The following MRPL35 variants were observed in gnomAD, a reference collection of about 807,000 sequenced individuals.
The protein encoded by MRPL35 is large ribosomal subunit protein bL35m.
MRPL35 carries 18 observed loss-of-function variants against 21.6 expected under a neutral mutation model. The ratio of observed to expected loss-of-function variants is 0.83; its 90% confidence interval spans 0.58 to 1.24. The LOEUF is 1.24. Among genes scored for constraint, MRPL35 ranks in the 50% most tolerant of loss-of-function variants. MRPL35 has a pLI of 0.00. For synonymous variants in MRPL35, 87 were observed against 86.9 expected (o/e 1.00, Z -0.01); for missense variants, 223 against 223.2 (o/e 1.00, Z 0.01).
intron 3 of MRPL35, among the ~76,000 whole-genome samples, chr2:86,210,035 A>G: frequency 6.6e-6 from 1 of 152,204 alleles, no homozygotes. Context: ...AACTCTTATT[A>G]GCCCTCAGAC....
At chr2:86,207,661 G>C (rs1673830288) in intron 3 of MRPL35, among the ~76,000 whole-genome samples, 1 of 151,110 alleles carries the variant, frequency 6.6e-6, no homozygotes, top group African/African-American at 2.4e-5. Context: ...AGGAGTGTGA[G>C]CAGATTAAAA....
rs1169677147 is a variant in MRPL35 at position 86,210,643 on chromosome 2, A to G, written c.542A>G (p.His181Arg). 1 of 1,611,998 alleles carries G rather than the reference A, an allele frequency of 6.2e-7. No homozygotes were observed. The highest frequency in any genetic ancestry group is 8.5e-7 in the Non-Finnish European group (1 of 1,179,278). ...GTTGATGATCCTTATCAGAAGTATC[A>G]TGATCGAACAAACCTGAAAGTATAG... Reference protein sequence around the residue: ...WYVDDPYQKYHDRTNLKV With the variant: ...WYVDDPYQKYRDRTNLKV Residue 181 changes from histidine (H) to arginine (R), a missense_variant, in exon 4 of 4, where the codon CAT becomes CGT. Physicochemically the swap from His to Arg is conservative, Grantham distance 29 (BLOSUM62 0). Coordinates refer to ENST00000337109, the MANE Select transcript of MRPL35 (RefSeq NM_016622.4).
chr2:86,211,946 A>C lies in MRPL35; in HGVS notation c.*1278A>C. 1.0e-6 allele frequency: 1 copy of C among 986,104 alleles called. No homozygotes were observed. Among genetic ancestry groups the C allele is most frequent in the Non-Finnish European group, 1.2e-6 (1 of 830,428 alleles). The allele number at this position is 986,104 out of a possible 1,614,324, so 61.1% of individuals were successfully genotyped here. ...CAGTTGTTTTAGAAACGAAAAAGTT[A>C]AGCATTGTTTACTTGAAGTGGGCAG... On this transcript the variant is annotated 3_prime_UTR_variant, in exon 4 of 4. Coordinates refer to ENST00000337109, the MANE Select transcript of MRPL35 (RefSeq NM_016622.4).
At position 86,199,520 on chromosome 2, in the gene MRPL35, G is replaced by C; in HGVS notation, c.30G>C (p.Val10=). ...CTGCCTCTGCCTTTGCTGGTGCAGT[G>C]AGAGCAGCTTCAGGTCAGTGGAGAG... The part of the protein sequence containing the change: MAASAFAGA[V]RAASGILRPL... The change falls in exon 1 of 4, where the codon GTG becomes GTC. Residue 10 remains valine (V), a synonymous_variant. Transcript: ENST00000337109. 1 of 1,614,206 alleles carries C rather than the reference G, an allele frequency of 6.2e-7. No homozygotes were observed. The highest frequency in any genetic ancestry group is 8.5e-7 in the Non-Finnish European group (1 of 1,180,038).
chr2:86,199,481 G>T lies in MRPL35; in HGVS notation c.-10G>T. The T allele has an allele frequency of 6.2e-7, 1 of 1,614,128 alleles. No homozygotes were observed. ...TAAACCCAAAGCGGCCGCCGTAGGCGAAGGTGAAGATGGCTGCCTCTGCCT... is the reference window on the plus strand; with the variant it reads ...TAAACCCAAAGCGGCCGCCGTAGGCTAAGGTGAAGATGGCTGCCTCTGCCT... On this transcript the variant is annotated 5_prime_UTR_variant, in exon 1 of 4. Transcript: ENST00000337109.
chr2:86,202,776 C>T (rs1673711319), intron 1 of MRPL35, among the ~76,000 whole-genome samples: 1 of 152,120 alleles, frequency 6.6e-6, no homozygotes, highest in Non-Finnish European at 1.5e-5. Context: ...ACTGCAACCT[C>T]TGCCTCCTGA....
chr2:86,202,178 C>T (rs1673697698), intron 1 of MRPL35, among the ~76,000 whole-genome samples: 1 of 152,194 alleles, frequency 6.6e-6, no homozygotes, highest in Non-Finnish European at 1.5e-5. Flanking sequence ...TAGAGCCTCC[C>T]CACATATTTT....
At chr2:86,209,403 C>T (rs963300311) in intron 3 of MRPL35, among the ~76,000 whole-genome samples, 1 of 152,274 alleles carries the variant, frequency 6.6e-6, no homozygotes, top group East Asian at 1.9e-4. Context: ...GTGGTTTTAG[C>T]CAGATGTTAA....
chr2:86,213,514 T>A lies in MRPL35; in HGVS notation c.*2846T>A. ...ATTTTGATGTTTCAAATTTTGAGCT[T>A]CCAAGTCTTTGTGGCCACCCAATGA... On this transcript the variant is annotated 3_prime_UTR_variant, in exon 4 of 4. Coordinates refer to ENST00000337109, the MANE Select transcript of MRPL35 (RefSeq NM_016622.4). 1 of 1,412,560 alleles carries A rather than the reference T, an allele frequency of 7.1e-7. No homozygotes were observed. Among genetic ancestry groups the A allele is most frequent in the Non-Finnish European group, 9.3e-7 (1 of 1,070,298 alleles). 87.5% of individuals were successfully genotyped at this position (1,412,560 alleles called of 1,614,324 possible).
At chr2:86,203,421 C>G (rs913146400) in intron 1 of MRPL35, among the ~76,000 whole-genome samples, 1 of 152,114 alleles carries the variant, frequency 6.6e-6, no homozygotes. Context: ...CTCACGTGAT[C>G]GGTGGCAGTC....
intron 1 of MRPL35, 98 bp downstream of exon 1, chr2:86,199,631 G>C: frequency 6.9e-7 from 1 of 1,452,654 alleles, no homozygotes; most frequent in East Asian, 2.3e-5. Context: ...CAAGCAAAAA[G>C]GGTCATTATT....
chr2:86,210,427 C>T (rs1471529319), intron 3 of MRPL35, 53 bp from the exon 4 acceptor site: 6 of 1,438,124 alleles, frequency 4.2e-6, no homozygotes, highest in African/African-American at 2.9e-5. Context: ...GTGAAGATAC[C>T]TGTTGTTTCA....
chr2:86,211,947 A>C lies in MRPL35; in HGVS notation c.*1279A>C, dbSNP rs17027032. On this transcript the variant is annotated 3_prime_UTR_variant, in exon 4 of 4. Transcript: ENST00000337109. ...AGTTGTTTTAGAAACGAAAAAGTTA[A>C]GCATTGTTTACTTGAAGTGGGCAGG... 8.6e-3 allele frequency: 8,513 copies of C among 986,100 alleles called. 485 individuals are homozygous for C. The African/African-American group carries it at 0.12, about 14-fold the overall frequency. The allele number at this position is 986,100 out of a possible 1,614,324, so 61.1% of individuals were successfully genotyped here. A position where few individuals can be genotyped will look rare whatever the true frequency, so the allele number is the denominator to read the frequency against.
Position 86,213,453 on chromosome 2 carries a change from A to G in MRPL35, c.*2785A>G. 1.5e-5 allele frequency: 20 copies of G among 1,326,958 alleles called. No individual in the cohort carries two copies. The highest frequency in any genetic ancestry group is 1.8e-5 in the Non-Finnish European group (19 of 1,033,820). 82.2% of individuals were successfully genotyped at this position (1,326,958 alleles called of 1,614,324 possible). A position where few individuals can be genotyped will look rare whatever the true frequency, so the allele number is the denominator to read the frequency against. On this transcript the variant is annotated 3_prime_UTR_variant, in exon 4 of 4. Coordinates refer to ENST00000337109, the MANE Select transcript of MRPL35 (RefSeq NM_016622.4). ...AGTGATTTTGTCAAACATAGAATAC[A>G]GGACTAAAAATGCAAAGAAATTGGG... is the stretch of plus-strand genomic sequence containing the variant.
intron 1 of MRPL35, among the ~76,000 whole-genome samples, chr2:86,202,865 A>G (rs1160273902): frequency 1.3e-5 from 2 of 151,048 alleles, no homozygotes; most frequent in South Asian, 2.1e-4. Context: ...TAATATTTCT[A>G]TTTTTAGTAG....
intron 3 of MRPL35, 94 bp downstream of exon 3, chr2:86,207,421 A>G (rs1475622992): frequency 2.8e-6 from 4 of 1,415,442 alleles, no homozygotes; most frequent in African/African-American, 2.9e-5. Flanking sequence ...CGGGTGGATC[A>G]TAAGGTCAGG....
At position 86,206,524 on chromosome 2, in the gene MRPL35, A is replaced by G. The variant is rs143979242; in HGVS notation, c.233+229A>G. On this transcript the variant is annotated intron_variant, in intron 2 of 3. Coordinates refer to ENST00000337109, the MANE Select transcript of MRPL35 (RefSeq NM_016622.4). ...TGCCTGGCTGGTAGAGTCTATTTCA[A>G]TAAACATGATGCTTAGACAAACTTT... 7.2e-5 allele frequency among the ~76,000 whole-genome samples: 11 copies of G among 152,260 alleles called. No individual in the cohort carries two copies. In the East Asian group the frequency reaches 2.1e-3, roughly 29 times the overall value.
At chr2:86,201,625 T>A (rs1053017168) in intron 1 of MRPL35, among the ~76,000 whole-genome samples, 1 of 152,278 alleles carries the variant, frequency 6.6e-6, no homozygotes, top group Non-Finnish European at 1.5e-5. Context: ...TAAAGAGTGA[T>A]GTGACAGCTT....
At position 86,213,545 on chromosome 2, in the gene MRPL35, G is replaced by T; in HGVS notation, c.*2877G>T. The T allele has an allele frequency of 6.8e-7, 1 of 1,479,460 alleles. No homozygotes were observed. The highest frequency in any genetic ancestry group is 1.3e-5 in the South Asian group (1 of 74,356). The allele number at this position is 1,479,460 out of a possible 1,614,324, so 91.6% of individuals were successfully genotyped here. ...TCTTTGTGGCCACCCAATGAAGTTTGAGTCTGCCTGTTCAGATGTGAAAGG... is the reference window on the plus strand; with the variant it reads ...TCTTTGTGGCCACCCAATGAAGTTTTAGTCTGCCTGTTCAGATGTGAAAGG... On this transcript the variant is annotated 3_prime_UTR_variant, in exon 4 of 4. Coordinates refer to ENST00000337109, the MANE Select transcript of MRPL35 (RefSeq NM_016622.4).
Sources: gnomAD v4.1 joint callset for allele counts (sites outside exome capture counted in the v4.1 genomes callset) on GRCh38, gnomAD v4.1.1 for gene constraint, MANE v1.5 for transcripts, NCBI Gene and HGNC (gene_info 2026-07-23, HGNC 2026-07-21) for gene names.